Variants in ARHGAP15 observed in about 807,000 individuals in gnomAD.
ARHGAP15 encodes rho GTPase-activating protein 15.
ARHGAP15 carries 51 observed loss-of-function variants against 63.7 expected under a neutral mutation model. The observed-to-expected ratio is 0.80, with a 90% CI of 0.64 to 1.01. ARHGAP15 has a LOEUF of 1.01. Ranked by LOEUF, ARHGAP15 falls within the 50% of genes least tolerant of loss-of-function variation. ARHGAP15 has a pLI of 0.00. For missense variants in ARHGAP15, 560 were observed against 564.6 expected (o/e 0.99, Z 0.08); for synonymous variants, 191 against 193.8 (o/e 0.99, Z 0.12).
chr2:143,198,173 GAATT>G (rs1310108684), intron 2 of ARHGAP15, among the ~76,000 whole-genome samples: 1 of 152,026 alleles, frequency 6.6e-6, no homozygotes, highest in African/African-American at 2.4e-5. Context: ...GTTTGGGTGA[GAATT>G]AAACATGCTA....
chr2:143,293,749 T>C (rs1558871896), intron 6 of ARHGAP15, among the ~76,000 whole-genome samples: 1 of 152,044 alleles, frequency 6.6e-6, no homozygotes, highest in Non-Finnish European at 1.5e-5. Flanking sequence ...TTAATATATA[T>C]GTTTTGCAAC....
chr2:143,763,076 G>A (rs1286637066), intron 13 of ARHGAP15, among the ~76,000 whole-genome samples: 1 of 151,866 alleles, frequency 6.6e-6, no homozygotes, highest in African/African-American at 2.4e-5. Context: ...TTCTACATAT[G>A]TTTTACTAGT....
intron 6 of ARHGAP15, among the ~76,000 whole-genome samples, chr2:143,287,831 T>C (rs1436433412): frequency 2.0e-5 from 3 of 151,996 alleles, no homozygotes; most frequent in African/African-American, 7.2e-5. Flanking sequence ...AAAAGAAATG[T>C]CTGAGACTTC....
intron 2 of ARHGAP15, among the ~76,000 whole-genome samples, chr2:143,200,769 A>G (rs552226869): frequency 6.6e-6 from 1 of 152,230 alleles, no homozygotes; most frequent in Non-Finnish European, 1.5e-5. Flanking sequence ...TTTGTTCTAA[A>G]AGTACATAAG....
At chr2:143,617,303 A>G (rs1698487971) in intron 11 of ARHGAP15, among the ~76,000 whole-genome samples, 1 of 152,216 alleles carries the variant, frequency 6.6e-6, no homozygotes, top group Non-Finnish European at 1.5e-5. Context: ...TCTCTGCTCA[A>G]AACCTTGGGG....
chr2:143,686,144 C>T (rs538689920), intron 12 of ARHGAP15, among the ~76,000 whole-genome samples: 1 of 152,158 alleles, frequency 6.6e-6, no homozygotes, highest in East Asian at 1.9e-4. Flanking sequence ...CGCGGTAGCT[C>T]ACGCCTGTAA....
intron 13 of ARHGAP15, among the ~76,000 whole-genome samples, chr2:143,715,512 C>G (rs1002636704): frequency 2.0e-5 from 3 of 152,132 alleles, no homozygotes; most frequent in African/African-American, 7.2e-5. Flanking sequence ...TTCTTTTCAT[C>G]CTGACAAACA....
intron 11 of ARHGAP15, among the ~76,000 whole-genome samples, chr2:143,563,540 T>G (rs1026430069): frequency 1.4e-4 from 21 of 152,210 alleles, no homozygotes; most frequent in African/African-American, 5.1e-4. Context: ...AGCTTCATGT[T>G]CATTGGAGAA....
Position 143,747,539 on chromosome 2 carries a change from TC to T in ARHGAP15, c.1245-20447del, listed in dbSNP as rs1474112058. Among the ~76,000 whole-genome samples the T allele has an allele frequency of 2.0e-5, 3 of 152,140 alleles. No homozygotes were observed. In the East Asian group the frequency reaches 5.8e-4, roughly 29 times the overall value. ...CTGCTGTGTTCCACCTTTTCATTCC[TC>T]CCTCCCTCCCCAAAACCTCTGCAAC... On this transcript the variant is annotated intron_variant, in intron 13 of 13. Coordinates refer to ENST00000295095, the MANE Select transcript of ARHGAP15 (RefSeq NM_018460.4).
chr2:143,160,868 G>A (rs1270857575), intron 2 of ARHGAP15, among the ~76,000 whole-genome samples: 1 of 151,948 alleles, frequency 6.6e-6, no homozygotes, highest in African/African-American at 2.4e-5. Flanking sequence ...TGACGACAGT[G>A]AAGAGTCCAT....
At chr2:143,753,978 G>C (rs1027182011) in intron 13 of ARHGAP15, among the ~76,000 whole-genome samples, 2 of 152,126 alleles carry the variant, frequency 1.3e-5, no homozygotes, top group African/African-American at 4.8e-5. Context: ...CTCCTCCACA[G>C]ATCTAATGTT....
intron 10 of ARHGAP15, among the ~76,000 whole-genome samples, chr2:143,552,037 C>T (rs1695589245): frequency 6.6e-6 from 1 of 152,104 alleles, no homozygotes. Flanking sequence ...TGAGTGTTCC[C>T]GTGCTCAAAG....
At chr2:143,221,290 A>G (rs1692989186) in intron 4 of ARHGAP15, among the ~76,000 whole-genome samples, 1 of 152,126 alleles carries the variant, frequency 6.6e-6, no homozygotes, top group Non-Finnish European at 1.5e-5. Context: ...TCTCTCAAAG[A>G]AAATTTAACT....
chr2:143,692,412 C>A (rs967816188), intron 12 of ARHGAP15, among the ~76,000 whole-genome samples: 4 of 152,104 alleles, frequency 2.6e-5, no homozygotes, highest in African/African-American at 7.2e-5. Flanking sequence ...TAGCACTCAA[C>A]AATTCACCCA....
At chr2:143,531,920 C>T (rs1694538124) in intron 10 of ARHGAP15, among the ~76,000 whole-genome samples, 1 of 152,136 alleles carries the variant, frequency 6.6e-6, no homozygotes, top group Non-Finnish European at 1.5e-5. Context: ...AGTATAAATC[C>T]AGTGACTTTA....
At chr2:143,555,222 G>GTACA (rs1695735591) in intron 10 of ARHGAP15, among the ~76,000 whole-genome samples, 1 of 152,114 alleles carries the variant, frequency 6.6e-6, no homozygotes. Flanking sequence ...CTAATACAAA[G>GTACA]TGTGTAAAAT....
intron 11 of ARHGAP15, among the ~76,000 whole-genome samples, chr2:143,584,561 G>A (rs1025085137): frequency 5.9e-5 from 9 of 152,070 alleles, no homozygotes; most frequent in African/African-American, 2.2e-4. Flanking sequence ...AGGAGGCGGA[G>A]GTTGCAGTGA....
chr2:143,637,570 G>T (rs1238923774), intron 12 of ARHGAP15, among the ~76,000 whole-genome samples: 1 of 152,006 alleles, frequency 6.6e-6, no homozygotes, highest in Non-Finnish European at 1.5e-5. Context: ...CTTCCTCCTA[G>T]TATTGTGATA....
chr2:143,711,669 A>C (rs1684586147), intron 13 of ARHGAP15, among the ~76,000 whole-genome samples: 1 of 152,204 alleles, frequency 6.6e-6, no homozygotes, highest in Non-Finnish European at 1.5e-5. Flanking sequence ...TCGCTCACTC[A>C]TTTAATCCTA....
Sources: gnomAD v4.1 joint callset for allele counts (sites outside exome capture counted in the v4.1 genomes callset) on GRCh38, gnomAD v4.1.1 for gene constraint, MANE v1.5 for transcripts, NCBI Gene and HGNC (gene_info 2026-07-23, HGNC 2026-07-21) for gene names.